Variants in PPP1R12A observed in about 807,000 individuals in gnomAD.
PPP1R12A encodes the protein myosin binding subunit.
In PPP1R12A, 19 loss-of-function variants were observed where a neutral mutation model predicts 139.6. The ratio of observed to expected loss-of-function variants is 0.14; its 90% CI spans 0.09 to 0.20. The LOEUF (loss-of-function observed/expected upper bound fraction) is 0.20. Ranked by LOEUF, PPP1R12A falls within the 10% of genes least tolerant of loss-of-function variation. The pLI, the probability that PPP1R12A is intolerant of heterozygous loss-of-function variation, is 1.00. For missense variants in PPP1R12A, 925 were observed against 1,211.5 expected (o/e 0.76, Z 3.51); for synonymous variants, 427 against 420.6 (o/e 1.02, Z -0.19).
chr12:79,832,524 G>A, intron 3 of PPP1R12A, 33 bp from the exon 4 acceptor site: 3 of 1,532,654 alleles, frequency 2.0e-6, no homozygotes, highest in South Asian at 1.3e-5. Flanking sequence ...TTTTATTTTT[G>A]CTTAAAAATT....
intron 2 of PPP1R12A, 44 bp from the exon 3 acceptor site, chr12:79,845,464 T>C (rs552163150): frequency 1.4e-5 from 20 of 1,412,732 alleles, no homozygotes; most frequent in Admixed American, 7.6e-5. Context: ...GATATTATCA[T>C]TGAAATAAAA....
chr12:79,918,696 A>G (rs1338923521), intron 1 of PPP1R12A, among the ~76,000 whole-genome samples: 1 of 152,136 alleles, frequency 6.6e-6, no homozygotes, highest in Non-Finnish European at 1.5e-5. Context: ...CTCTCAGACT[A>G]CCCAACTTCC....
chr12:79,804,050 A>G (rs1873522607), intron 14 of PPP1R12A, among the ~76,000 whole-genome samples: 1 of 152,136 alleles, frequency 6.6e-6, no homozygotes, highest in Non-Finnish European at 1.5e-5. Context: ...AGTTAAAAAT[A>G]ATATAAATCA....
rs1871110636 is a variant in PPP1R12A, at chr12:79,786,227, A to C, written c.2907+147T>G. 5 of 515,368 alleles carry C rather than the reference A, an allele frequency of 9.7e-6. No individual in the cohort carries two copies. In the South Asian group the frequency reaches 1.6e-4, roughly 17 times the overall value. The allele number at this position is 515,368 out of a possible 1,614,324, so 31.9% of individuals were successfully genotyped here. ...ACTATTTTTTAAATTTACTCCAGAA[A>C]AAGTAAATCATCCATAAACAGCATT... is the stretch of plus-strand genomic sequence containing the variant. On this transcript the variant is annotated intron_variant, in intron 22 of 24. Transcript: ENST00000450142.
In PPP1R12A at chr12:79,931,820, C is replaced by T. The variant is rs370736871; in HGVS notation, c.237+2875G>A. Among the ~76,000 whole-genome samples, 123 of 152,208 alleles carry T rather than the reference C, an allele frequency of 8.1e-4. 2 individuals carry two copies. In the South Asian group the frequency reaches 0.016, roughly 20 times the overall value. Reference sequence around the variant, plus strand: ...TAGAGTGGGTGGGGGAGAAAGGCTACTCTGGAGACTAAGATAGGAAATTTG... The same window carrying T: ...TAGAGTGGGTGGGGGAGAAAGGCTATTCTGGAGACTAAGATAGGAAATTTG... On this transcript the variant is annotated intron_variant, in intron 1 of 24. Coordinates refer to ENST00000450142, the MANE Select transcript of PPP1R12A (RefSeq NM_002480.3).
intron 2 of PPP1R12A, among the ~76,000 whole-genome samples, chr12:79,853,506 G>A (rs923352142): frequency 1.3e-5 from 2 of 152,150 alleles, no homozygotes; most frequent in East Asian, 3.9e-4. Context: ...CAGTAACAAA[G>A]ACCAAGCTAA....
At chr12:79,820,662 G>T in intron 8 of PPP1R12A, 112 bp downstream of exon 8, 1 of 1,018,534 alleles carries the variant, frequency 9.8e-7, no homozygotes, top group Non-Finnish European at 1.4e-6. Context: ...AGTGTGGCAG[G>T]TATCTAAACA....
intron 3 of PPP1R12A, among the ~76,000 whole-genome samples, chr12:79,842,878 T>C (rs1878907566): frequency 6.6e-6 from 1 of 151,480 alleles, no homozygotes; most frequent in South Asian, 2.1e-4. Context: ...TACATTCACA[T>C]TGTTGTGTAA....
chr12:79,851,454 T>C (rs941942951), intron 2 of PPP1R12A, among the ~76,000 whole-genome samples: 2 of 152,194 alleles, frequency 1.3e-5, no homozygotes, highest in Non-Finnish European at 2.9e-5. Context: ...TTTCTATCAG[T>C]ACTTAACAAA....
In PPP1R12A at chr12:79,832,497, A is replaced by G. The variant is rs777441906; in HGVS notation, c.488-6T>C. ...AGCTGCTTCTATATCAACCCCTGAT[A>G]AAATAAAAATAGTTCTTTTTATTTT... On this transcript the variant is annotated splice_polypyrimidine_tract_variant and splice_region_variant and intron_variant, in intron 3 of 24. Coordinates refer to ENST00000450142, the MANE Select transcript of PPP1R12A (RefSeq NM_002480.3). The G allele has an allele frequency of 6.3e-7, 1 of 1,577,074 alleles. No individual in the cohort carries two copies. The highest frequency in any genetic ancestry group is 2.3e-5 in the East Asian group (1 of 43,778).
chr12:79,857,168 G>A (rs994843980), intron 2 of PPP1R12A, among the ~76,000 whole-genome samples: 1 of 151,988 alleles, frequency 6.6e-6, no homozygotes, highest in African/African-American at 2.4e-5. Flanking sequence ...AATAGCAAAG[G>A]CTTGGAACCA....
chr12:79,900,225 A>T (rs1235285801), intron 1 of PPP1R12A, among the ~76,000 whole-genome samples: 1 of 152,208 alleles, frequency 6.6e-6, no homozygotes, highest in Non-Finnish European at 1.5e-5. Context: ...AGAGTTAGCA[A>T]TGGCCCTCCA....
chr12:79,820,736 C>T, intron 8 of PPP1R12A, 38 bp downstream of exon 8: 1 of 1,599,026 alleles, frequency 6.3e-7, no homozygotes, highest in Non-Finnish European at 8.5e-7. Flanking sequence ...TACACTGCCA[C>T]AAAATTCAAC....
chr12:79,885,871 T>C (rs557503061), intron 1 of PPP1R12A, among the ~76,000 whole-genome samples: 1 of 152,286 alleles, frequency 6.6e-6, no homozygotes, highest in East Asian at 1.9e-4. Flanking sequence ...TTTTGTTTGT[T>C]TTTTGTTAGA....
At position 79,809,981 on chromosome 12, in the gene PPP1R12A, G is replaced by A; in HGVS notation, c.1269C>T (p.Pro423=). The change falls in exon 10 of 25, where the codon CCC becomes CCT. Residue 423 remains proline, a synonymous_variant. Transcript: ENST00000450142. Reference sequence around the variant, plus strand: ...ACTCATCTTTTCTCTCTTCTTCTTTGGGAGAAATTTTTGTAGCTGTGGTTG... The same window carrying A: ...ACTCATCTTTTCTCTCTTCTTCTTTAGGAGAAATTTTTGTAGCTGTGGTTG... ...KFPTTATKIS[P]KEEERKDESP... 1.9e-6 allele frequency: 3 copies of A among 1,612,320 alleles called. No homozygotes were observed. The highest frequency in any genetic ancestry group is 2.5e-6 in the Non-Finnish European group (3 of 1,179,338).
At chr12:79,920,196 C>A (rs1887329544) in intron 1 of PPP1R12A, among the ~76,000 whole-genome samples, 1 of 152,228 alleles carries the variant, frequency 6.6e-6, no homozygotes, top group African/African-American at 2.4e-5. Flanking sequence ...CAATTATCAG[C>A]ATCCCCTTTT....
intron 1 of PPP1R12A, among the ~76,000 whole-genome samples, chr12:79,881,053 C>T (rs549445806): frequency 6.6e-6 from 1 of 152,218 alleles, no homozygotes; most frequent in East Asian, 1.9e-4. Flanking sequence ...TATATATGCT[C>T]TGACCACTCC....
intron 22 of PPP1R12A, among the ~76,000 whole-genome samples, chr12:79,784,621 A>G (rs1373681769): frequency 6.6e-6 from 1 of 152,114 alleles, no homozygotes. Flanking sequence ...ACACTATAGT[A>G]GGGAGCAGTG....
At chr12:79,918,514 C>G (rs1310241073) in intron 1 of PPP1R12A, among the ~76,000 whole-genome samples, 1 of 151,988 alleles carries the variant, frequency 6.6e-6, no homozygotes, top group African/African-American at 2.4e-5. Context: ...GTGAAAAGCA[C>G]CTTCATCATC....
Sources: gnomAD v4.1 joint callset for allele counts (sites outside exome capture counted in the v4.1 genomes callset) on GRCh38, gnomAD v4.1.1 for gene constraint, MANE v1.5 for transcripts, NCBI Gene and HGNC (gene_info 2026-07-23, HGNC 2026-07-21) for gene names.